The following EIF4G3 variants were observed in gnomAD, a reference collection of about 807,000 sequenced individuals.
EIF4G3 encodes eIF-4-gamma 3.
Under a neutral mutation model 186.4 loss-of-function variants are expected in EIF4G3, and 34 were observed. The ratio of observed to expected loss-of-function variants is 0.18; its 90% CI spans 0.14 to 0.24. The LOEUF (loss-of-function observed/expected upper bound fraction) is 0.24. Ranked by LOEUF, EIF4G3 falls within the 10% of genes least tolerant of loss-of-function variation. The pLI is 1.00. For synonymous variants in EIF4G3, 673 were observed against 679.5 expected, an observed-to-expected ratio of 0.99 and a Z score of 0.15; for missense variants, 1,536 against 1,948.5, an observed-to-expected ratio of 0.79 and a Z score of 3.99.
At chr1:21,085,624 T>C (rs2095941924) in intron 3 of EIF4G3, among the ~76,000 whole-genome samples, 1 of 152,092 alleles carries the variant, frequency 6.6e-6, no homozygotes, top group Non-Finnish European at 1.5e-5. Flanking sequence ...ATCAAACTAC[T>C]GGGTTCAAGC....
At chr1:20,967,172 G>C (rs1308937125) in intron 12 of EIF4G3, among the ~76,000 whole-genome samples, 1 of 152,142 alleles carries the variant, frequency 6.6e-6, no homozygotes, top group Non-Finnish European at 1.5e-5. Flanking sequence ...ACCAAGCTTG[G>C]AAAGTTACAG....
intron 30 of EIF4G3, among the ~76,000 whole-genome samples, chr1:20,830,096 G>C (rs1031356696): frequency 2.0e-5 from 3 of 152,134 alleles, no homozygotes; most frequent in Non-Finnish European, 4.4e-5. Context: ...ATAATTGCAA[G>C]TCATAAGGAA....
chr1:21,113,613 T>C (rs1302754977), intron 2 of EIF4G3, among the ~76,000 whole-genome samples: 1 of 152,220 alleles, frequency 6.6e-6, no homozygotes, highest in African/African-American at 2.4e-5. Context: ...ATTTTAAATA[T>C]ATCTTTCACC....
At chr1:20,849,059 A>G (rs2072328167) in intron 29 of EIF4G3, among the ~76,000 whole-genome samples, 1 of 149,942 alleles carries the variant, frequency 6.7e-6, no homozygotes, top group Non-Finnish European at 1.5e-5. Flanking sequence ...AAAAAAAAAA[A>G]AAAAAAAAAA....
chr1:20,910,434 A>T (rs773346173), intron 14 of EIF4G3, among the ~76,000 whole-genome samples: 8 of 152,182 alleles, frequency 5.3e-5, no homozygotes, highest in African/African-American at 1.9e-4. Context: ...AAATACAAAA[A>T]TTAGCCAGGC....
chr1:20,867,670 A>G (rs2077896438), intron 20 of EIF4G3, among the ~76,000 whole-genome samples: 1 of 152,220 alleles, frequency 6.6e-6, no homozygotes, highest in Admixed American at 6.5e-5. Flanking sequence ...CAGGCCTATG[A>G]TTAAACATTA....
intron 4 of EIF4G3, chr1:21,003,597 A>AG (rs1255990142): frequency 3.3e-6 from 1 of 303,762 alleles, no homozygotes; most frequent in African/African-American, 2.2e-5. Context: ...TGCCTCTTCA[A>AG]GGTCCATGAT....
chr1:20,896,435 C>CAAAAAAA (rs201025308), intron 16 of EIF4G3, among the ~76,000 whole-genome samples: 2 of 54,522 alleles, frequency 3.7e-5, no homozygotes, highest in African/African-American at 6.4e-5. Flanking sequence ...GATTCTATCT[C>CAAAAAAA]AAAAAAAAAA....
chr1:21,086,261 T>G (rs2095977408), intron 3 of EIF4G3, among the ~76,000 whole-genome samples: 1 of 148,802 alleles, frequency 6.7e-6, no homozygotes, highest in Non-Finnish European at 1.5e-5. Context: ...GCATAGAGGT[T>G]TGATCAAAGC....
At chr1:20,954,957 A>T (rs968623612) in intron 12 of EIF4G3, among the ~76,000 whole-genome samples, 6 of 152,228 alleles carry the variant, frequency 3.9e-5, no homozygotes, top group Admixed American at 1.3e-4. Context: ...GAATGTTGGC[A>T]TGTAGGAGGA....
chr1:20,897,494 T>C (rs2088671827), intron 16 of EIF4G3, among the ~76,000 whole-genome samples: 1 of 149,626 alleles, frequency 6.7e-6, no homozygotes, highest in Non-Finnish European at 1.5e-5. Flanking sequence ...AGATACTAAG[T>C]TTTTTCTCCT....
intron 7 of EIF4G3, among the ~76,000 whole-genome samples, chr1:20,985,009 C>A (rs2079135252): frequency 6.6e-6 from 1 of 152,134 alleles, no homozygotes; most frequent in Admixed American, 6.5e-5. Flanking sequence ...GAAGCCTCCC[C>A]CATCTGTAAC....
intron 30 of EIF4G3, among the ~76,000 whole-genome samples, chr1:20,839,279 A>C (rs971163901): frequency 2.0e-5 from 3 of 150,382 alleles, no homozygotes; most frequent in African/African-American, 7.3e-5. Flanking sequence ...GCCCAGCCTA[A>C]TTTTCATATT....
At chr1:20,960,012 C>T (rs1004253700) in intron 12 of EIF4G3, among the ~76,000 whole-genome samples, 2 of 152,070 alleles carry the variant, frequency 1.3e-5, no homozygotes, top group Admixed American at 1.3e-4. Flanking sequence ...AGTAGATCTA[C>T]CATTTGATCC....
In EIF4G3 at chr1:20,893,501, G is replaced by A. The variant is rs1339892488; in HGVS notation, c.2253+16C>T. ...CCAGTGTCTAACTAAGTGAGTTGTA[G>A]GGAACTTGCACTTACAGGTACGCCT... On this transcript the variant is annotated intron_variant, in intron 18 of 36. Coordinates refer to ENST00000602326, the MANE Select transcript of EIF4G3 (RefSeq NM_001391906.1). The A allele has an allele frequency of 6.3e-7, 1 of 1,582,948 alleles. No individual in the cohort carries two copies. Among genetic ancestry groups the A allele is most frequent in the Non-Finnish European group, 8.6e-7 (1 of 1,157,430 alleles).
chr1:20,919,652 T>A (rs2094306187), intron 14 of EIF4G3, among the ~76,000 whole-genome samples: 1 of 152,228 alleles, frequency 6.6e-6, no homozygotes, highest in Admixed American at 6.5e-5. Flanking sequence ...GTCTTTTTTC[T>A]CTTGCCTTTA....
At chr1:20,985,944 T>C (rs1433224730) in intron 7 of EIF4G3, among the ~76,000 whole-genome samples, 1 of 152,190 alleles carries the variant, frequency 6.6e-6, no homozygotes, top group Non-Finnish European at 1.5e-5. Flanking sequence ...TATCCACTTG[T>C]CTCGTGTCCA....
chr1:21,092,485 G>C (rs1004213241), intron 2 of EIF4G3, among the ~76,000 whole-genome samples: 66 of 151,952 alleles, frequency 4.3e-4, no homozygotes, highest in Non-Finnish European at 8.7e-4. Flanking sequence ...GGATGATGCT[G>C]GCCTCATAAA....
At chr1:21,128,447 T>G (rs1482574838) in intron 2 of EIF4G3, among the ~76,000 whole-genome samples, 3 of 147,846 alleles carry the variant, frequency 2.0e-5, no homozygotes, top group African/African-American at 5.0e-5. Context: ...GAGGTGGAGG[T>G]TGCAGTGAGC....
Sources: allele counts gnomAD v4.1 joint callset (sites outside exome capture counted in the v4.1 genomes callset), GRCh38; gene constraint gnomAD v4.1.1; transcripts MANE v1.5; gene names NCBI Gene and HGNC (gene_info 2026-07-23, HGNC 2026-07-21).